The following DENND4A variants were observed in gnomAD, a reference collection of about 807,000 sequenced individuals.
DENND4A encodes the protein C-myc promoter-binding protein.
In DENND4A, 70 loss-of-function variants were observed where a neutral mutation model predicts 199.3. That is an observed-to-expected ratio of 0.35 (90% CI 0.29 to 0.43). The LOEUF (loss-of-function observed/expected upper bound fraction) is 0.43. Ranked by LOEUF, DENND4A falls within the 20% of genes least tolerant of loss-of-function variation. The pLI is 1.00. For missense variants in DENND4A, 1,723 were observed against 2,255.8 expected, an observed-to-expected ratio of 0.76 and a Z score of 4.78; for synonymous variants, 686 against 766.9, an observed-to-expected ratio of 0.89 and a Z score of 1.74.
At chr15:65,667,763 A>T in intron 28 of DENND4A, 60 bp from the exon 29 acceptor site, 2 of 1,539,126 alleles carry the variant, frequency 1.3e-6, no homozygotes, top group East Asian at 2.2e-5. Context: ...CCATTAAAAA[A>T]TTCAATGATT....
chr15:65,675,003 G>A (rs2076330601), intron 24 of DENND4A, among the ~76,000 whole-genome samples: 1 of 152,072 alleles, frequency 6.6e-6, no homozygotes, highest in Non-Finnish European at 1.5e-5. Context: ...TTATACTTTT[G>A]CATGTTTGAA....
At chr15:65,671,758 G>A (rs1053397738) in intron 25 of DENND4A, 34 bp downstream of exon 25, 20 of 1,294,782 alleles carry the variant, frequency 1.5e-5, no homozygotes, top group Non-Finnish European at 2.1e-5. Context: ...TTATAAAGCA[G>A]TATATGAAGA....
Position 65,667,863 on chromosome 15 carries a change from G to A in DENND4A, c.4986+62C>T, listed in dbSNP as rs1047872460. Reference sequence around the variant, plus strand: ...AAGCTAATAAGACTACTTAAGACAAGGGGAACAAAATCATACGTAAGTGAT... The same window carrying A: ...AAGCTAATAAGACTACTTAAGACAAAGGGAACAAAATCATACGTAAGTGAT... On this transcript the variant is annotated intron_variant, in intron 28 of 32. Coordinates refer to ENST00000443035, the MANE Select transcript of DENND4A (RefSeq NM_001320835.1). 1.0e-5 allele frequency: 16 copies of A among 1,551,148 alleles called. No individual in the cohort carries two copies. The South Asian group carries it at 1.7e-4, about 16-fold the overall frequency.
intron 1 of DENND4A, among the ~76,000 whole-genome samples, chr15:65,785,681 T>C (rs1701580933): frequency 6.6e-6 from 1 of 152,058 alleles, no homozygotes; most frequent in South Asian, 2.1e-4. Flanking sequence ...AATAACTACG[T>C]ATATAATAGT....
intron 1 of DENND4A, among the ~76,000 whole-genome samples, chr15:65,786,126 G>A (rs1456372746): frequency 6.6e-6 from 1 of 152,134 alleles, no homozygotes; most frequent in African/African-American, 2.4e-5. Flanking sequence ...TGCTTCAGGA[G>A]CTACAAGAAT....
At chr15:65,758,162 T>C (rs889033728) in intron 2 of DENND4A, among the ~76,000 whole-genome samples, 14 of 152,130 alleles carry the variant, frequency 9.2e-5, no homozygotes, top group Admixed American at 2.6e-4. Flanking sequence ...TCAGCAGATA[T>C]ATCAAACAGA....
intron 4 of DENND4A, among the ~76,000 whole-genome samples, chr15:65,750,486 TAA>T: frequency 6.6e-6 from 1 of 150,488 alleles, no homozygotes; most frequent in South Asian, 2.1e-4. Context: ...GATTTTAAAA[TAA>T]AAAGTGAAAA....
At chr15:65,751,578 A>G (rs1014976782) in intron 4 of DENND4A, among the ~76,000 whole-genome samples, 1 of 152,144 alleles carries the variant, frequency 6.6e-6, no homozygotes, top group Non-Finnish European at 1.5e-5. Flanking sequence ...ACCATGAGGC[A>G]CTCCATTGTG....
Position 65,691,050 on chromosome 15 carries a change from C to T in DENND4A, c.3544G>A (p.Val1182Ile). Reference sequence around the variant, plus strand: ...ATCCTCTTGGGATTTTGTGTAGCAACACATCCTGCTTTTGATACATCTGTT... The same window carrying T: ...ATCCTCTTGGGATTTTGTGTAGCAATACATCCTGCTTTTGATACATCTGTT... Reference protein sequence around the residue: ...SETDVSKAGCVATQNPKRIQR... With the variant: ...SETDVSKAGCIATQNPKRIQR... Residue 1182 changes from valine (V) to isoleucine (I), a missense_variant, in exon 23 of 33, where the codon GTT becomes ATT. By Grantham distance (29) the Val-to-Ile change is conservative (BLOSUM62 3). Coordinates refer to ENST00000443035, the MANE Select transcript of DENND4A (RefSeq NM_001320835.1). 6.2e-7 allele frequency: 1 copy of T among 1,612,788 alleles called. No homozygotes were observed. The highest frequency in any genetic ancestry group is 8.5e-7 in the Non-Finnish European group (1 of 1,179,348).
In DENND4A at chr15:65,782,429, A is replaced by G. The variant is rs114344629; in HGVS notation, c.-102+9581T>C. Among the ~76,000 whole-genome samples the G allele has an allele frequency of 3.9e-3, 601 of 152,206 alleles. 9 individuals carry two copies. Among genetic ancestry groups the G allele is most frequent in the African/African-American group, 0.013 (529 of 41,530 alleles). ...CAGATCACCCTGTTTTACTTCCTTCATTACCCTTACTACTCTTCGAACTTT... is the reference window on the plus strand; with the variant it reads ...CAGATCACCCTGTTTTACTTCCTTCGTTACCCTTACTACTCTTCGAACTTT... On this transcript the variant is annotated intron_variant, in intron 1 of 32. Coordinates refer to ENST00000443035, the MANE Select transcript of DENND4A (RefSeq NM_001320835.1).
intron 14 of DENND4A, among the ~76,000 whole-genome samples, 179 bp from the exon 15 acceptor site, chr15:65,706,403 A>T (rs1472390942): frequency 6.6e-6 from 1 of 151,596 alleles, no homozygotes; most frequent in Non-Finnish European, 1.5e-5. Context: ...CAAAGTGCAA[A>T]CTGTAAATAG....
chr15:65,791,740 G>A (rs2077733191), intron 1 of DENND4A, among the ~76,000 whole-genome samples: 1 of 151,484 alleles, frequency 6.6e-6, no homozygotes, highest in Non-Finnish European at 1.5e-5. Context: ...AGGCCAGCCT[G>A]GAATAGAAAA....
At chr15:65,753,644 C>G (rs936969645) in intron 3 of DENND4A, among the ~76,000 whole-genome samples, 1 of 152,068 alleles carries the variant, frequency 6.6e-6, no homozygotes, top group South Asian at 2.1e-4. Context: ...CACGTGTAAG[C>G]CACTGTGCCT....
At chr15:65,720,282 T>C (rs1332088879) in intron 12 of DENND4A, among the ~76,000 whole-genome samples, 2 of 152,194 alleles carry the variant, frequency 1.3e-5, no homozygotes, top group East Asian at 1.9e-4. Flanking sequence ...GGAAAAAAGT[T>C]TGTTATTACT....
chr15:65,720,825 T>C (rs1596521429), intron 12 of DENND4A, among the ~76,000 whole-genome samples: 1 of 151,390 alleles, frequency 6.6e-6, no homozygotes, highest in Non-Finnish European at 1.5e-5. Context: ...AAAGAATGTA[T>C]GTGAATGTGC....
Position 65,710,626 on chromosome 15 carries a change from G to C in DENND4A, c.1954-4402C>G, listed in dbSNP as rs73471611. 3.0e-3 allele frequency among the ~76,000 whole-genome samples: 462 copies of C among 152,218 alleles called. 1 individual carries two copies. The highest frequency in any genetic ancestry group is 0.011 in the African/African-American group (448 of 41,534). On this transcript the variant is annotated intron_variant, in intron 14 of 32. Coordinates refer to ENST00000443035, the MANE Select transcript of DENND4A (RefSeq NM_001320835.1). ...TGTTCCTATAAAAAAGAATGTAGAG[G>C]AATTATTTTTTAAAGCACACCTTTC...
chr15:65,790,193 G>A (rs2077677760), intron 1 of DENND4A, among the ~76,000 whole-genome samples: 2 of 152,242 alleles, frequency 1.3e-5, no homozygotes, highest in East Asian at 1.9e-4. Flanking sequence ...TAGGACAACA[G>A]TTCCAGGAAC....
chr15:65,755,864 C>T (rs1208609901), intron 3 of DENND4A, among the ~76,000 whole-genome samples: 1 of 152,098 alleles, frequency 6.6e-6, no homozygotes. Context: ...ATCAGGATAA[C>T]ACTTTAATTT....
intron 11 of DENND4A, chr15:65,727,870 T>A (rs761036756): frequency 2.6e-6 from 1 of 379,418 alleles, no homozygotes; most frequent in South Asian, 2.0e-5. Flanking sequence ...AACTTACATA[T>A]AAATTCAGTG....
Sources: gnomAD v4.1 joint callset for allele counts (sites outside exome capture counted in the v4.1 genomes callset) on GRCh38, gnomAD v4.1.1 for gene constraint, MANE v1.5 for transcripts, NCBI Gene and HGNC (gene_info 2026-07-23, HGNC 2026-07-21) for gene names.